ULK4: variants seen among roughly 807,000 people sequenced by gnomAD.
ULK4 encodes the protein inactive serine/threonine-protein kinase ULK4.
In ULK4, 133 loss-of-function variants were observed where a neutral mutation model predicts 160.6. The ratio of observed to expected loss-of-function variants is 0.83; its 90% confidence interval spans 0.72 to 0.96. ULK4 has a LOEUF of 0.96. Ranked by LOEUF, ULK4 falls within the 40% of genes least tolerant of loss-of-function variation. The probability of loss-of-function intolerance (pLI) is 0.00; values close to 1 mark genes in which losing one functional copy is unlikely to be tolerated. For missense variants in ULK4, 1,580 were observed against 1,499.5 expected, an observed-to-expected ratio of 1.05 and a Z score of -0.89; for synonymous variants, 534 against 539.8, an observed-to-expected ratio of 0.99 and a Z score of 0.15.
At chr3:41,767,599 T>C (rs1559537654) in intron 21 of ULK4, among the ~76,000 whole-genome samples, 1 of 152,154 alleles carries the variant, frequency 6.6e-6, no homozygotes, top group African/African-American at 2.4e-5. Flanking sequence ...TATGTATGAC[T>C]GTGCAAATAA....
intron 17 of ULK4, among the ~76,000 whole-genome samples, chr3:41,843,574 A>T (rs775833753): frequency 9.9e-5 from 15 of 151,608 alleles, no homozygotes; most frequent in African/African-American, 3.4e-4. Flanking sequence ...AGTGCTCTGG[A>T]GTTGTTCCTT....
At chr3:41,623,193 T>C (rs908456627) in intron 30 of ULK4, among the ~76,000 whole-genome samples, 4 of 152,230 alleles carry the variant, frequency 2.6e-5, no homozygotes, top group African/African-American at 9.6e-5. Flanking sequence ...TATTTAATAG[T>C]ATGATTAAAT....
chr3:41,490,454 T>A (rs751775391), intron 32 of ULK4, among the ~76,000 whole-genome samples: 1 of 152,190 alleles, frequency 6.6e-6, no homozygotes, highest in Non-Finnish European at 1.5e-5. Context: ...ACTGAAGTGC[T>A]CTTGCCTTCT....
intron 32 of ULK4, among the ~76,000 whole-genome samples, chr3:41,523,927 TA>T (rs892381202): frequency 5.9e-5 from 9 of 151,710 alleles, no homozygotes; most frequent in East Asian, 1.9e-4. Context: ...ATCCATATAA[TA>T]AAAAAAAATT....
chr3:41,497,743 G>A (rs2085043592), intron 32 of ULK4, among the ~76,000 whole-genome samples: 1 of 152,148 alleles, frequency 6.6e-6, no homozygotes, highest in Non-Finnish European at 1.5e-5. Context: ...GCAGCTGAGT[G>A]CAGTAATACA....
At chr3:41,586,533 T>C (rs1206335227) in intron 31 of ULK4, among the ~76,000 whole-genome samples, 2 of 152,144 alleles carry the variant, frequency 1.3e-5, no homozygotes. Context: ...GAAACATAGT[T>C]TCAGTTTTAC....
chr3:41,532,536 T>A (rs1243858784), intron 32 of ULK4, among the ~76,000 whole-genome samples: 2 of 152,230 alleles, frequency 1.3e-5, no homozygotes, highest in African/African-American at 2.4e-5. Context: ...TGGTCAGTTT[T>A]ATTCATTGCT....
intron 17 of ULK4, among the ~76,000 whole-genome samples, chr3:41,860,213 G>A (rs952431328): frequency 6.6e-6 from 1 of 152,126 alleles, no homozygotes; most frequent in African/African-American, 2.4e-5. Flanking sequence ...GCAGCCCTTG[G>A]ATGAAATGTT....
chr3:41,380,715 T>C (rs989081640), intron 35 of ULK4, among the ~76,000 whole-genome samples: 7 of 152,142 alleles, frequency 4.6e-5, no homozygotes, highest in African/African-American at 1.7e-4. Context: ...GTCAGCCTTC[T>C]TCCCCTGGGC....
intron 35 of ULK4, among the ~76,000 whole-genome samples, chr3:41,312,966 T>C (rs189567343): frequency 1.2e-3 from 177 of 151,650 alleles, no homozygotes; most frequent in Non-Finnish European, 2.2e-3. Context: ...AAATTAGAAA[T>C]AGAAAAGCAG....
chr3:41,921,586 GCCTGGACA>G, intron 5 of ULK4, among the ~76,000 whole-genome samples: 1 of 152,258 alleles, frequency 6.6e-6, no homozygotes, highest in African/African-American at 2.4e-5. Flanking sequence ...CTGCACTCCA[GCCTGGACA>G]ACAGAGCGAG....
intron 32 of ULK4, among the ~76,000 whole-genome samples, chr3:41,551,560 T>C (rs988282949): frequency 6.6e-5 from 10 of 151,678 alleles, no homozygotes; most frequent in Non-Finnish European, 1.5e-4. Flanking sequence ...ACTGCCAAGA[T>C]TGAATCAGGA....
intron 30 of ULK4, among the ~76,000 whole-genome samples, chr3:41,637,195 C>T (rs2033992290): frequency 6.6e-6 from 1 of 152,138 alleles, no homozygotes; most frequent in Admixed American, 6.5e-5. Context: ...ATCTCCCCAA[C>T]CTTCTACCTC....
chr3:41,450,966 A>C (rs2083411853), intron 34 of ULK4, among the ~76,000 whole-genome samples: 1 of 152,200 alleles, frequency 6.6e-6, no homozygotes, highest in Non-Finnish European at 1.5e-5. Context: ...AGTTACAAGT[A>C]ACTGGAGCGC....
chr3:41,942,783 T>C (rs1699998684), intron 2 of ULK4, among the ~76,000 whole-genome samples: 1 of 152,150 alleles, frequency 6.6e-6, no homozygotes, highest in South Asian at 2.1e-4. Flanking sequence ...GCCATTGCAC[T>C]CCAGTCTGGG....
intron 32 of ULK4, among the ~76,000 whole-genome samples, chr3:41,488,431 T>C (rs2084624088): frequency 6.6e-6 from 1 of 152,182 alleles, no homozygotes; most frequent in Non-Finnish European, 1.5e-5. Flanking sequence ...TGGTAAGCTC[T>C]ACACACACAC....
chr3:41,320,272 A>G (rs756253953), intron 35 of ULK4, among the ~76,000 whole-genome samples: 2 of 152,216 alleles, frequency 1.3e-5, no homozygotes, highest in Non-Finnish European at 2.9e-5. Context: ...GGTAGCCATT[A>G]TAATTATGAG....
chr3:41,335,733 G>T (rs2080541465), intron 35 of ULK4, among the ~76,000 whole-genome samples: 1 of 107,206 alleles, frequency 9.3e-6, no homozygotes, highest in Admixed American at 8.5e-5. Flanking sequence ...CAGCATGAGG[G>T]CAAAAAAAAA....
At chr3:41,490,500 A>C (rs2084712172) in intron 32 of ULK4, among the ~76,000 whole-genome samples, 1 of 152,144 alleles carries the variant, frequency 6.6e-6, no homozygotes, top group Non-Finnish European at 1.5e-5. Context: ...CTCAAGGTAC[A>C]CATTCCTCCA....
Sources: gnomAD v4.1 joint callset for allele counts (sites outside exome capture counted in the v4.1 genomes callset) on GRCh38, gnomAD v4.1.1 for gene constraint, MANE v1.5 for transcripts, NCBI Gene and HGNC (gene_info 2026-07-23, HGNC 2026-07-21) for gene names.